The following STX11 variants were observed in gnomAD, a reference collection of about 807,000 sequenced individuals.
STX11 encodes the protein syntaxin-11.
Under a neutral mutation model 19.9 loss-of-function variants are expected in STX11, and 21 were observed. The observed-to-expected ratio is 1.06, with a 90% CI of 0.75 to 1.52. The LOEUF (loss-of-function observed/expected upper bound fraction) is 1.52, where lower values mean the gene tolerates loss of function less well. STX11 is among the 40% of genes most tolerant of loss of function. The pLI, the probability that STX11 is intolerant of heterozygous loss-of-function variation, is 0.00. For missense variants in STX11, 438 were observed against 405.9 expected (o/e 1.08, Z -0.68); for synonymous variants, 193 against 174.4 (o/e 1.11, Z -0.84).
chr6:144,142,791 G>A, the STX11 span, among the ~76,000 whole-genome samples: 16 of 152,224 alleles, frequency 1.1e-4, no homozygotes, highest in Non-Finnish European at 1.8e-4. Flanking sequence ...TACAAATTAC[G>A]GTTGGATAAA....
chr6:144,166,899 CCT>C (rs928262947), intron 1 of STX11, among the ~76,000 whole-genome samples: 3 of 141,298 alleles, frequency 2.1e-5, no homozygotes, highest in Non-Finnish European at 4.6e-5. Flanking sequence ...CTTTTGTCTA[CCT>C]CTCTCTTTCT....
rs1801926394 is a variant in STX11 at position 144,182,164 on chromosome 6, G to T, written c.-5-4459G>T. On this transcript the variant is annotated intron_variant, in intron 1 of 1. Transcript: ENST00000367568. This position sits in a 1 kb window ranked among gnomAD's most constrained non-coding sequence, Gnocchi z 4.8. Reference sequence around the variant, plus strand: ...CTCATAGTACAGAATCAAGCTATGGGATATATAGGTTATTTTGATTCTCTA... The same window carrying T: ...CTCATAGTACAGAATCAAGCTATGGTATATATAGGTTATTTTGATTCTCTA... 6.6e-6 allele frequency among the ~76,000 whole-genome samples: 1 copy of T among 152,160 alleles called. No homozygotes were observed. Among genetic ancestry groups the T allele is most frequent in the Admixed American group, 6.5e-5 (1 of 15,286 alleles).
In STX11 at chr6:144,182,073, A is replaced by T. The variant is rs1290470181; in HGVS notation, c.-5-4550A>T. On this transcript the variant is annotated intron_variant, in intron 1 of 1. Transcript: ENST00000367568. The surrounding 1 kb of genome is among the most constrained non-coding windows in gnomAD (Gnocchi z 4.8). Reference sequence around the variant, plus strand: ...TATTACATTATCTTTTATTACAATAAGACAGGAAGGTCAGTGGAATTGTCT... The same window carrying T: ...TATTACATTATCTTTTATTACAATATGACAGGAAGGTCAGTGGAATTGTCT... Among the ~76,000 whole-genome samples the T allele has an allele frequency of 1.3e-5, 2 of 152,224 alleles. No homozygotes were observed. Among genetic ancestry groups the T allele is most frequent in the Admixed American group, 1.3e-4 (2 of 15,286 alleles).
rs1273571797 is a variant in STX11, at chr6:144,153,761, G to A, written c.-6+3058G>A. Among the ~76,000 whole-genome samples, 1 of 152,186 alleles carries A rather than the reference G, an allele frequency of 6.6e-6. No homozygotes were observed. Among genetic ancestry groups the A allele is most frequent in the Non-Finnish European group, 1.5e-5 (1 of 68,038 alleles). On this transcript the variant is annotated intron_variant, in intron 1 of 1. Coordinates refer to ENST00000367568, the MANE Select transcript of STX11 (RefSeq NM_003764.4). The surrounding 1 kb of genome is among the most constrained non-coding windows in gnomAD (Gnocchi z 5.0). ...AGATGGGAAAAGAGGGAAGGGGCTG[G>A]TAGAGGTTTAATAGGTGGAACCCTG...
intron 1 of STX11, among the ~76,000 whole-genome samples, chr6:144,181,132 A>G (rs1273971575): frequency 6.6e-6 from 1 of 152,202 alleles, no homozygotes; most frequent in Non-Finnish European, 1.5e-5. Context: ...TTTAGCCTCC[A>G]TACCAGGGAG....
At chr6:144,166,565 G>A (rs990283675) in intron 1 of STX11, among the ~76,000 whole-genome samples, 4 of 139,586 alleles carry the variant, frequency 2.9e-5, no homozygotes, top group East Asian at 2.1e-4. Flanking sequence ...CTCACTCTGC[G>A]GCCCAGCTGG....
In STX11 at chr6:144,175,683, CTG is replaced by C. The variant is rs1371722644; in HGVS notation, c.-5-10937_-5-10936del. On this transcript the variant is annotated intron_variant, in intron 1 of 1. Coordinates refer to ENST00000367568, the MANE Select transcript of STX11 (RefSeq NM_003764.4). The surrounding 1 kb of genome is among the most constrained non-coding windows in gnomAD (Gnocchi z 5.1). ...TTTCCTCATCTTTACAGTGAAGGCA[CTG>C]TGCAAGCTAGTCATTACAGGCTTTT... Among the ~76,000 whole-genome samples, 1 of 152,220 alleles carries C rather than the reference CTG, an allele frequency of 6.6e-6. No homozygotes were observed. The highest frequency in any genetic ancestry group is 1.5e-5 in the Non-Finnish European group (1 of 68,044).
Position 144,151,521 on chromosome 6 carries a change from C to A in STX11, c.-6+818C>A. The A allele has an allele frequency of 1.3e-6, 1 of 744,932 alleles. No homozygotes were observed. Among genetic ancestry groups the A allele is most frequent in the Non-Finnish European group, 1.6e-6 (1 of 610,190 alleles). 46.1% of individuals were successfully genotyped at this position (744,932 alleles called of 1,614,324 possible). A position where few individuals can be genotyped will look rare whatever the true frequency, so the allele number is the denominator to read the frequency against. On this transcript the variant is annotated intron_variant, in intron 1 of 1. Transcript: ENST00000367568. The surrounding 1 kb of genome is among the most constrained non-coding windows in gnomAD (Gnocchi z 4.6). ...TCTAGATGTGAAATGCCTGCCCTGC[C>A]AACCTGGGGCAGTGGTATGGGAAGT...
At chr6:144,149,752 G>C (rs1284199512), upstream of STX11, among the ~76,000 whole-genome samples, 1 of 152,110 alleles carries the variant, frequency 6.6e-6, no homozygotes, top group Non-Finnish European at 1.5e-5. The surrounding 1 kb of genome is among the most constrained non-coding windows in gnomAD (Gnocchi z 5.1). Flanking sequence ...TTAGGAATAC[G>C]CGCGTGAGCC....
the STX11 span, among the ~76,000 whole-genome samples, chr6:144,143,278 T>C: frequency 6.6e-6 from 1 of 152,146 alleles, no homozygotes; most frequent in Non-Finnish European, 1.5e-5. Context: ...GTCAGGATTG[T>C]AGTTATAAAA....
rs1801962946 is a variant in STX11, at chr6:144,183,740, T to C, written c.-5-2883T>C. On this transcript the variant is annotated intron_variant, in intron 1 of 1. Transcript: ENST00000367568. The surrounding 1 kb of genome is among the most constrained non-coding windows in gnomAD (Gnocchi z 4.6). ...TATTATTTTATCTTATTTTATGTTT[T>C]TAAGTTCCGGGGTACACGTGCAAGA... Among the ~76,000 whole-genome samples the C allele has an allele frequency of 6.6e-6, 1 of 152,216 alleles. No individual in the cohort carries two copies. The highest frequency in any genetic ancestry group is 2.4e-5 in the African/African-American group (1 of 41,452).
Position 144,163,661 on chromosome 6 carries a change from T to C in STX11, c.-6+12958T>C, listed in dbSNP as rs537833824. Among the ~76,000 whole-genome samples, 6 of 152,150 alleles carry C rather than the reference T, an allele frequency of 3.9e-5. No individual in the cohort carries two copies. The South Asian group carries it at 1.2e-3, about 32-fold the overall frequency. ...ACCTGGCTAATTTTTGTATTTTTTT[T>C]CTTAGTAGAGACAGGGTTTCTCCAT... On this transcript the variant is annotated intron_variant, in intron 1 of 1. Coordinates refer to ENST00000367568, the MANE Select transcript of STX11 (RefSeq NM_003764.4).
Position 144,191,931 on chromosome 6 carries a change from C to T in STX11, c.*4440C>T, listed in dbSNP as rs547176477. On this transcript the variant is annotated 3_prime_UTR_variant, in exon 2 of 2. Coordinates refer to ENST00000367568, the MANE Select transcript of STX11 (RefSeq NM_003764.4). ...TGTGTCTATTGATAATAAAGATTTT[C>T]GGAACTGATGTTCTGAGTGAGACTA... is the stretch of plus-strand genomic sequence containing the variant. Among the ~76,000 whole-genome samples the T allele has an allele frequency of 7.2e-5, 11 of 152,250 alleles. No individual in the cohort carries two copies. Among genetic ancestry groups the T allele is most frequent in the African/African-American group, 2.6e-4 (11 of 41,552 alleles).
chr6:144,178,612 T>G (rs1236374891), intron 1 of STX11, among the ~76,000 whole-genome samples: 1 of 152,234 alleles, frequency 6.6e-6, no homozygotes, highest in Non-Finnish European at 1.5e-5. Flanking sequence ...GATTGAAAAG[T>G]AGAGGCTGTC....
At position 144,159,834 on chromosome 6, in the gene STX11, G is replaced by A. The variant is rs951107298; in HGVS notation, c.-6+9131G>A. On this transcript the variant is annotated intron_variant, in intron 1 of 1. Transcript: ENST00000367568. The surrounding 1 kb of genome is among the most constrained non-coding windows in gnomAD (Gnocchi z 4.3). The stretch of plus-strand genomic sequence containing the variant: ...TTTTGGGTCTTGTTGGAGACAGTGG[G>A]TGAAGTGCATTGCCCCAGAAGTCCA... Among the ~76,000 whole-genome samples the A allele has an allele frequency of 1.3e-5, 2 of 152,096 alleles. No homozygotes were observed. The highest frequency in any genetic ancestry group is 4.8e-5 in the African/African-American group (2 of 41,398).
rs1801069947 is a variant in STX11 at position 144,153,947 on chromosome 6, A to C, written c.-6+3244A>C. 6.6e-6 allele frequency among the ~76,000 whole-genome samples: 1 copy of C among 152,168 alleles called. No homozygotes were observed. The highest frequency in any genetic ancestry group is 6.5e-5 in the Admixed American group (1 of 15,280). On this transcript the variant is annotated intron_variant, in intron 1 of 1. Transcript: ENST00000367568. This position sits in a 1 kb window ranked among gnomAD's most constrained non-coding sequence, Gnocchi z 5.0. ...TGGCACATAATCAGTGCTCATTAAG[A>C]TTTTTCAAATGAATGCTAGTAATAG...
At position 144,187,302 on chromosome 6, in the gene STX11, C is replaced by T. The variant is rs756608402; in HGVS notation, c.675C>T (p.His225=). 17 of 1,612,304 alleles carry T rather than the reference C, an allele frequency of 1.1e-5. No individual in the cohort carries two copies. The Admixed American group carries it at 2.7e-4, about 25-fold the overall frequency. The change falls in exon 2 of 2, where the codon CAC becomes CAT. Residue 225 remains histidine (H), a synonymous_variant. Transcript: ENST00000367568. This position sits in a 1 kb window ranked among gnomAD's most constrained non-coding sequence, Gnocchi z 5.6. ...TGGAGAGCCGCATCCGCGACGTACA[C>T]GAGCTCTTCTTGCAGATGGCGGTGC... ...LRLESRIRDV[H]ELFLQMAVLV... is the part of the protein sequence containing the mutation.
At position 144,162,792 on chromosome 6, in the gene STX11, G is replaced by A. The variant is rs1179978642; in HGVS notation, c.-6+12089G>A. ...GGCCAAGACAGGCTAAGAGCAGTAA[G>A]TAAAAAATTACTCAACTATCATTTA... On this transcript the variant is annotated intron_variant, in intron 1 of 1. Transcript: ENST00000367568. The surrounding 1 kb of genome is among the most constrained non-coding windows in gnomAD (Gnocchi z 4.6). 2.6e-5 allele frequency among the ~76,000 whole-genome samples: 4 copies of A among 152,204 alleles called. No homozygotes were observed. The highest frequency in any genetic ancestry group is 9.7e-5 in the African/African-American group (4 of 41,438).
Position 144,191,411 on chromosome 6 carries a change from C to T in STX11, c.*3920C>T, listed in dbSNP as rs1256390125. On this transcript the variant is annotated 3_prime_UTR_variant, in exon 2 of 2. Transcript: ENST00000367568. The stretch of plus-strand genomic sequence containing the variant: ...GAACAGTACTCTTTTTATATCAATG[C>T]CTTTACATTTATTTAAAAACAGTCC... 6.6e-6 allele frequency among the ~76,000 whole-genome samples: 1 copy of T among 150,474 alleles called. No individual in the cohort carries two copies. Among genetic ancestry groups the T allele is most frequent in the African/African-American group, 2.5e-5 (1 of 40,702 alleles).
Sources: allele counts gnomAD v4.1 joint callset (sites outside exome capture counted in the v4.1 genomes callset), GRCh38; gene constraint gnomAD v4.1.1; non-coding constraint Gnocchi (gnomAD v3.1); transcripts MANE v1.5; gene names NCBI Gene and HGNC (gene_info 2026-07-23, HGNC 2026-07-21).